CEP89: variants seen among roughly 807,000 people sequenced by gnomAD.
CEP89 encodes centrosomal protein 89.
CEP89 carries 95 observed loss-of-function variants against 97.6 expected under a neutral mutation model. That is an observed-to-expected ratio of 0.97 (90% CI 0.82 to 1.15). The LOEUF is 1.15. Among genes scored for constraint, CEP89 ranks in the 50% most tolerant of loss-of-function variants. The pLI, the probability that CEP89 is intolerant of heterozygous loss-of-function variation, is 0.00. For synonymous variants in CEP89, 354 were observed against 349.1 expected (o/e 1.01, Z -0.16); for missense variants, 869 against 947.7 (o/e 0.92, Z 1.09).
intron 14 of CEP89, among the ~76,000 whole-genome samples, chr19:32,912,870 G>A (rs1050208040): frequency 3.3e-5 from 5 of 151,052 alleles, no homozygotes; most frequent in African/African-American, 1.2e-4. Context: ...GTGAAACCCC[G>A]TCTCTACTAA....
At chr19:32,950,311 C>T (rs1227864931) in intron 4 of CEP89, among the ~76,000 whole-genome samples, 1 of 152,118 alleles carries the variant, frequency 6.6e-6, no homozygotes, top group East Asian at 1.9e-4. Flanking sequence ...ATAATCCCAG[C>T]ACTTTGGGAG....
intron 2 of CEP89, among the ~76,000 whole-genome samples, chr19:32,961,722 T>C (rs1460561772): frequency 2.0e-5 from 3 of 152,024 alleles, no homozygotes; most frequent in African/African-American, 7.2e-5. Context: ...CAGCTCAGTA[T>C]AGCCTCAACC....
At chr19:32,931,592 T>C in intron 8 of CEP89, 21 bp from the exon 9 acceptor site, 1 of 1,540,646 alleles carries the variant, frequency 6.5e-7, no homozygotes, top group South Asian at 1.2e-5. Context: ...AAATTTAATA[T>C]TATACTATAA....
At chr19:32,896,911 T>C (rs1275978926) in intron 16 of CEP89, among the ~76,000 whole-genome samples, 6 of 151,282 alleles carry the variant, frequency 4.0e-5, no homozygotes, top group Non-Finnish European at 8.8e-5. Context: ...AACAGGCATA[T>C]GAAAAAAATG....
chr19:32,926,332 A>G (rs1425660708), intron 10 of CEP89, 59 bp from the exon 11 acceptor site: 2 of 1,206,712 alleles, frequency 1.7e-6, no homozygotes, highest in East Asian at 2.3e-5. Flanking sequence ...ACAACCAGAA[A>G]ATTTTTAAAT....
Position 32,915,367 on chromosome 19 carries a change from A to T in CEP89, c.1535T>A (p.Val512Asp), listed in dbSNP as rs1599736004. 1 of 1,608,118 alleles carries T rather than the reference A, an allele frequency of 6.2e-7. No homozygotes were observed. The highest frequency in any genetic ancestry group is 2.2e-5 in the East Asian group (1 of 44,834). Reference protein sequence around the residue: ...THSDGKIAVEVHKSIVNELKS... With the variant: ...THSDGKIAVEDHKSIVNELKS... ...TAATTCATTCACAATTGATTTATGA[A>T]CTTCCACTGCGATTTTGCCATCCGA... The change falls in exon 14 of 19, where the codon GTT (valine) becomes GAT (aspartate). Residue 512 changes from valine (V) to aspartate (D), a missense_variant. Physicochemically the swap from Val to Asp is radical, Grantham distance 152 (BLOSUM62 -3). Transcript: ENST00000305768.
chr19:32,925,957 G>A (rs554207782), intron 11 of CEP89, among the ~76,000 whole-genome samples: 352 of 151,512 alleles, frequency 2.3e-3, no homozygotes, highest in African/African-American at 8.3e-3. Context: ...CTCTCCCCTC[G>A]CTCCCTATCC....
chr19:32,902,803 G>A (rs1408691188), intron 14 of CEP89, among the ~76,000 whole-genome samples: 7 of 152,328 alleles, frequency 4.6e-5, no homozygotes, highest in South Asian at 4.1e-4. Flanking sequence ...TGATCTGTCC[G>A]TGTGTGAGAG....
intron 3 of CEP89, among the ~76,000 whole-genome samples, chr19:32,957,140 G>A (rs1456668425): frequency 1.3e-5 from 2 of 152,126 alleles, no homozygotes; most frequent in Non-Finnish European, 2.9e-5. Context: ...CACTGTTCTT[G>A]CTACTTTATC....
At chr19:32,902,246 C>T (rs879449562) in intron 14 of CEP89, among the ~76,000 whole-genome samples, 7 of 151,980 alleles carry the variant, frequency 4.6e-5, no homozygotes, top group Admixed American at 1.3e-4. Flanking sequence ...TGGGTGTTAC[C>T]GAATTTGCAT....
chr19:32,968,116 A>G (rs1023996971), intron 1 of CEP89, among the ~76,000 whole-genome samples: 2 of 152,188 alleles, frequency 1.3e-5, no homozygotes, highest in Non-Finnish European at 2.9e-5. Flanking sequence ...AGCTCCAAGC[A>G]GTCTCTACCC....
Position 32,948,379 on chromosome 19 carries a change from TAA to T in CEP89, c.493-13_493-12del. Reference sequence around the variant, plus strand: ...ATGTAACAATGGCACCTTTTTGTTATAAAAGACAAAGGAGCAAAAAAGTGAGA... The same window carrying T: ...ATGTAACAATGGCACCTTTTTGTTATAAGACAAAGGAGCAAAAAAGTGAGA... On this transcript the variant is annotated splice_polypyrimidine_tract_variant and intron_variant, in intron 4 of 18. Transcript: ENST00000305768. 6.4e-7 allele frequency: 1 copy of T among 1,572,120 alleles called. No individual in the cohort carries two copies. The highest frequency in any genetic ancestry group is 8.7e-7 in the Non-Finnish European group (1 of 1,151,522).
At chr19:32,964,260 C>T (rs1971235675) in intron 2 of CEP89, among the ~76,000 whole-genome samples, 1 of 152,046 alleles carries the variant, frequency 6.6e-6, no homozygotes, top group African/African-American at 2.4e-5. Flanking sequence ...GCAACCTCTG[C>T]CTCCAGGTTC....
At chr19:32,949,594 G>C (rs1970869658) in intron 4 of CEP89, among the ~76,000 whole-genome samples, 1 of 152,040 alleles carries the variant, frequency 6.6e-6, no homozygotes, top group South Asian at 2.1e-4. Flanking sequence ...ATGTTGTCCA[G>C]GCTGGTCTTG....
At chr19:32,962,327 T>C (rs1039072701) in intron 2 of CEP89, among the ~76,000 whole-genome samples, 5 of 152,250 alleles carry the variant, frequency 3.3e-5, no homozygotes, top group East Asian at 3.8e-4. Context: ...GCCATGATTG[T>C]TGGTTTCCTG....
intron 9 of CEP89, among the ~76,000 whole-genome samples, chr19:32,928,774 G>A (rs186694537): frequency 1.4e-4 from 21 of 152,126 alleles, no homozygotes; most frequent in African/African-American, 3.9e-4. Context: ...CTTGCCCTAC[G>A]AATTCTAGTC....
At chr19:32,924,139 G>A (rs994135208) in intron 11 of CEP89, among the ~76,000 whole-genome samples, 1 of 151,438 alleles carries the variant, frequency 6.6e-6, no homozygotes, top group African/African-American at 2.4e-5. Context: ...CCAAGTACCT[G>A]TACTACTATG....
At position 32,926,145 on chromosome 19, in the gene CEP89, A is replaced by G. The variant is rs1029960985; in HGVS notation, c.1164+45T>C. On this transcript the variant is annotated intron_variant, in intron 11 of 18. Coordinates refer to ENST00000305768, the MANE Select transcript of CEP89 (RefSeq NM_032816.5). ...TTTTTATAAAATTTGAAGCGGTCCT[A>G]TATTTTTATAAATCTTGTGTCTTCT... 1.8e-5 allele frequency: 25 copies of G among 1,382,114 alleles called. No individual in the cohort carries two copies. In the Admixed American group the frequency reaches 1.9e-4, roughly 11 times the overall value. The allele number at this position is 1,382,114 out of a possible 1,614,324, so 85.6% of individuals were successfully genotyped here. A position where few individuals can be genotyped will look rare whatever the true frequency, so the allele number is the denominator to read the frequency against.
intron 16 of CEP89, among the ~76,000 whole-genome samples, chr19:32,891,823 G>GAA (rs199692732): frequency 0.016 from 2,451 of 150,338 alleles, 28 homozygotes; most frequent in Non-Finnish European, 0.027. Flanking sequence ...GAGAGAGAGA[G>GAA]AAAGAGAGAG....
Sources: gnomAD v4.1 joint callset for allele counts (sites outside exome capture counted in the v4.1 genomes callset) on GRCh38, gnomAD v4.1.1 for gene constraint, MANE v1.5 for transcripts, NCBI Gene and HGNC (gene_info 2026-07-23, HGNC 2026-07-21) for gene names.